ANO2: variants seen among roughly 807,000 people sequenced by gnomAD.
The protein encoded by ANO2 is anoctamin-2.
ANO2 carries 101 observed loss-of-function variants against 124.2 expected under a neutral mutation model. That is an observed-to-expected ratio of 0.81 (90% CI 0.69 to 0.96). ANO2 has a LOEUF of 0.96. Ranked by LOEUF, ANO2 falls within the 40% of genes least tolerant of loss-of-function variation. The pLI is 0.00. For missense variants in ANO2, 1,293 were observed against 1,274.5 expected (o/e 1.01, Z -0.22); for synonymous variants, 486 against 482.5 (o/e 1.01, Z -0.09).
rs1330657289 is a variant in ANO2 at position 5,900,811 on chromosome 12, T to C, written c.534+20229A>G. Reference sequence around the variant, plus strand: ...TTTAATTAGAACTGGTGATGGCTGTTTGGAAAGAGTCAAGGCCAAGAGGGC... The same window carrying C: ...TTTAATTAGAACTGGTGATGGCTGTCTGGAAAGAGTCAAGGCCAAGAGGGC... On this transcript the variant is annotated intron_variant, in intron 3 of 24. Transcript: ENST00000682330. The surrounding 1 kb of genome is among the most constrained non-coding windows in gnomAD (Gnocchi z 4.2). Among the ~76,000 whole-genome samples, 2 of 151,942 alleles carry C rather than the reference T, an allele frequency of 1.3e-5. No individual in the cohort carries two copies. Among genetic ancestry groups the C allele is most frequent in the African/African-American group, 4.9e-5 (2 of 41,234 alleles).
intron 14 of ANO2, 60 bp downstream of exon 14, chr12:5,732,460 A>C: frequency 1.4e-6 from 2 of 1,479,070 alleles, no homozygotes; most frequent in South Asian, 2.5e-5. Context: ...GTGCCAAACA[A>C]AATGACAACA....
At chr12:5,890,935 C>T (rs558007844) in intron 3 of ANO2, among the ~76,000 whole-genome samples, 1 of 152,276 alleles carries the variant, frequency 6.6e-6, no homozygotes, top group African/African-American at 2.4e-5. Context: ...CAAGTCACAG[C>T]TCATATAGAA....
chr12:5,767,386 A>G (rs1951929746), intron 10 of ANO2, among the ~76,000 whole-genome samples: 1 of 152,226 alleles, frequency 6.6e-6, no homozygotes, highest in East Asian at 1.9e-4. Flanking sequence ...CCTAAGAGAC[A>G]GGGCCAACGT....
intron 19 of ANO2, among the ~76,000 whole-genome samples, chr12:5,603,169 T>C (rs556714866): frequency 6.6e-6 from 1 of 152,266 alleles, no homozygotes; most frequent in South Asian, 2.1e-4. Context: ...AAATGAGCAG[T>C]TCTGGTTTGC....
chr12:5,894,332 G>T (rs1939623552), intron 3 of ANO2, among the ~76,000 whole-genome samples: 1 of 151,860 alleles, frequency 6.6e-6, no homozygotes, highest in South Asian at 2.1e-4. Context: ...TTTTTGATGG[G>T]GTTGTTTGTT....
At chr12:5,874,371 T>C (rs1937946091) in intron 3 of ANO2, among the ~76,000 whole-genome samples, 1 of 152,134 alleles carries the variant, frequency 6.6e-6, no homozygotes, top group African/African-American at 2.4e-5. Flanking sequence ...TCCCTTCCTC[T>C]CCCTTCTCTT....
At chr12:5,879,608 T>C (rs1445708059) in intron 3 of ANO2, among the ~76,000 whole-genome samples, 2 of 152,082 alleles carry the variant, frequency 1.3e-5, no homozygotes, top group Non-Finnish European at 2.9e-5. Flanking sequence ...AGAGGAAACC[T>C]AAGGGGTCAA....
chr12:5,829,869 C>T (rs182464264), intron 6 of ANO2, among the ~76,000 whole-genome samples: 9 of 152,282 alleles, frequency 5.9e-5, no homozygotes, highest in Admixed American at 3.9e-4. Context: ...AGAAGAGCTA[C>T]GGTCACAAGC....
intron 20 of ANO2, among the ~76,000 whole-genome samples, chr12:5,587,823 T>A (rs1024829380): frequency 6.6e-6 from 1 of 152,042 alleles, no homozygotes; most frequent in East Asian, 1.9e-4. Context: ...CCCACCCCCA[T>A]GCACCTCCTC....
At chr12:5,690,736 G>C (rs371342438) in intron 14 of ANO2, among the ~76,000 whole-genome samples, 10 of 152,102 alleles carry the variant, frequency 6.6e-5, no homozygotes, top group Non-Finnish European at 1.5e-4. Flanking sequence ...ACAGTCTCAC[G>C]ATCTAGGTCT....
chr12:5,603,698 C>A (rs1944054770), intron 19 of ANO2, among the ~76,000 whole-genome samples: 1 of 152,102 alleles, frequency 6.6e-6, no homozygotes, highest in African/African-American at 2.4e-5. Context: ...GTAATTCCAG[C>A]ACTTTGGGAA....
intron 14 of ANO2, among the ~76,000 whole-genome samples, chr12:5,724,364 A>G (rs3782637): frequency 2.6e-5 from 4 of 152,014 alleles, no homozygotes; most frequent in African/African-American, 9.7e-5. Flanking sequence ...AGGGAACTTC[A>G]TCTACTCAAA....
At chr12:5,825,053 G>T (rs781708789) in intron 7 of ANO2, among the ~76,000 whole-genome samples, 1 of 152,154 alleles carries the variant, frequency 6.6e-6, no homozygotes, top group Non-Finnish European at 1.5e-5. Flanking sequence ...GTTTTGGCAG[G>T]GGGACACAGC....
intron 14 of ANO2, among the ~76,000 whole-genome samples, chr12:5,689,766 C>T (rs575497328): frequency 1.3e-5 from 2 of 152,258 alleles, no homozygotes; most frequent in South Asian, 4.1e-4. Context: ...TTTGATCTTC[C>T]CTGTGGCTCA....
At chr12:5,826,419 G>A (rs1953955057) in intron 7 of ANO2, among the ~76,000 whole-genome samples, 1 of 145,620 alleles carries the variant, frequency 6.9e-6, no homozygotes, top group East Asian at 2.0e-4. Context: ...GAGTCGGTGG[G>A]CTAATGCTTA....
intron 3 of ANO2, among the ~76,000 whole-genome samples, chr12:5,887,693 T>C (rs1939033077): frequency 6.6e-6 from 1 of 152,222 alleles, no homozygotes; most frequent in Non-Finnish European, 1.5e-5. Context: ...TGGAGACCCT[T>C]GGGAAGGAAG....
chr12:5,632,441 A>C (rs529862826), intron 16 of ANO2, among the ~76,000 whole-genome samples: 17 of 152,184 alleles, frequency 1.1e-4, no homozygotes, highest in African/African-American at 4.1e-4. Flanking sequence ...TTTTATTTTA[A>C]GTTTAAAAAT....
chr12:5,764,181 CT>C (rs895095749), intron 10 of ANO2, among the ~76,000 whole-genome samples: 2 of 152,202 alleles, frequency 1.3e-5, no homozygotes, highest in Non-Finnish European at 2.9e-5. Context: ...CTCACAACAT[CT>C]TTTCGAGATG....
chr12:5,802,197 C>T (rs1312466496), intron 9 of ANO2, among the ~76,000 whole-genome samples: 2 of 152,324 alleles, frequency 1.3e-5, no homozygotes, highest in East Asian at 3.9e-4. Context: ...GGTTGAATCC[C>T]AGATCTGCTG....
Sources: gnomAD v4.1 joint callset for allele counts (sites outside exome capture counted in the v4.1 genomes callset) on GRCh38, gnomAD v4.1.1 for gene constraint, Gnocchi (gnomAD v3.1) non-coding constraint, MANE v1.5 for transcripts, NCBI Gene and HGNC (gene_info 2026-07-23, HGNC 2026-07-21) for gene names.